The following GLI3 variants were observed in gnomAD, a reference collection of about 807,000 sequenced individuals.
The protein encoded by GLI3 is GLI family zinc finger 3.
Under a neutral mutation model 100.8 loss-of-function variants are expected in GLI3, and 20 were observed. The observed-to-expected ratio is 0.20, with a 90% confidence interval of 0.14 to 0.29. GLI3 has a LOEUF of 0.29. Ranked by LOEUF, GLI3 falls within the 10% of genes least tolerant of loss-of-function variation. The probability of loss-of-function intolerance (pLI) is 1.00; values close to 1 mark genes in which losing one functional copy is unlikely to be tolerated. For synonymous variants in GLI3, 938 were observed against 860.5 expected (o/e 1.09, Z -1.58); for missense variants, 2,040 against 2,128.5 (o/e 0.96, Z 0.82).
intron 2 of GLI3, among the ~76,000 whole-genome samples, chr7:42,183,686 A>G (rs147931106): frequency 7.8e-4 from 119 of 152,308 alleles, no homozygotes; most frequent in African/African-American, 2.8e-3. Flanking sequence ...TATTATATCT[A>G]TATTTATGTT....
intron 2 of GLI3, among the ~76,000 whole-genome samples, chr7:42,174,014 G>T (rs1376268189): frequency 1.3e-5 from 2 of 152,074 alleles, no homozygotes. Flanking sequence ...AGGCCAAAAG[G>T]CAAATGGAAA....
intron 2 of GLI3, among the ~76,000 whole-genome samples, chr7:42,174,092 C>A (rs929321870): frequency 6.6e-6 from 1 of 151,884 alleles, no homozygotes; most frequent in African/African-American, 2.4e-5. Context: ...TTCAAGTATT[C>A]CATAGGATAA....
Position 41,962,289 on chromosome 7 carries a change from G to C in GLI3, c.*2041C>G, listed in dbSNP as rs1011218413. 1 of 152,218 alleles carries C rather than the reference G, an allele frequency of 6.6e-6. No individual in the cohort carries two copies. The highest frequency in any genetic ancestry group is 1.5e-5 in the Non-Finnish European group (1 of 68,050). The allele number at this position is 152,218 out of a possible 1,614,324, so 9.4% of individuals were successfully genotyped here. A position where few individuals can be genotyped will look rare whatever the true frequency, so the allele number is the denominator to read the frequency against. On this transcript the variant is annotated 3_prime_UTR_variant, in exon 15 of 15. Coordinates refer to ENST00000395925, the MANE Select transcript of GLI3 (RefSeq NM_000168.6). ...GGAAAGGGATTGAACCAAACCATTA[G>C]AGCACACAAGATAAGACTGGAGATT...
chr7:42,085,205 G>A (rs542293460), intron 3 of GLI3, among the ~76,000 whole-genome samples: 3 of 152,152 alleles, frequency 2.0e-5, no homozygotes, highest in South Asian at 2.1e-4. Flanking sequence ...ATCTAACTAC[G>A]GAGACCCTGG....
intron 4 of GLI3, among the ~76,000 whole-genome samples, chr7:42,060,712 T>C (rs929938413): frequency 6.6e-6 from 1 of 151,838 alleles, no homozygotes; most frequent in Non-Finnish European, 1.5e-5. Flanking sequence ...CAAGGCAAAA[T>C]AGAAAAATAT....
intron 3 of GLI3, among the ~76,000 whole-genome samples, chr7:42,115,832 G>T (rs1416723370): frequency 6.6e-6 from 1 of 152,132 alleles, no homozygotes. Context: ...TTGGCATAGA[G>T]ATTTTTATTT....
At chr7:42,031,330 T>G (rs141764796) in intron 7 of GLI3, among the ~76,000 whole-genome samples, 1 of 152,216 alleles carries the variant, frequency 6.6e-6, no homozygotes, top group Non-Finnish European at 1.5e-5. Context: ...TTAATCTATA[T>G]TTAGTCAATA....
intron 4 of GLI3, among the ~76,000 whole-genome samples, chr7:42,074,290 A>G (rs578151649): frequency 2.6e-5 from 4 of 152,342 alleles, no homozygotes; most frequent in African/African-American, 9.6e-5. Flanking sequence ...CAGAGTGCAC[A>G]GCACAAGTGA....
chr7:42,044,011 G>A (rs1472108206), intron 6 of GLI3, among the ~76,000 whole-genome samples: 3 of 152,088 alleles, frequency 2.0e-5, no homozygotes, highest in African/African-American at 7.2e-5. Flanking sequence ...ATGTAGTAAT[G>A]AGCTTCCCAG....
chr7:42,015,454 TA>T (rs1788731728), intron 10 of GLI3, among the ~76,000 whole-genome samples: 1 of 152,084 alleles, frequency 6.6e-6, no homozygotes, highest in Non-Finnish European at 1.5e-5. Flanking sequence ...CAGAGAAGCC[TA>T]AATATCCCCA....
chr7:42,214,821 C>T (rs1017763236), intron 2 of GLI3, among the ~76,000 whole-genome samples: 3 of 129,350 alleles, frequency 2.3e-5, no homozygotes, highest in Non-Finnish European at 4.8e-5. Flanking sequence ...AAACATAAAA[C>T]GGAATTTTAA....
chr7:42,027,720 A>C (rs998492458), intron 7 of GLI3, among the ~76,000 whole-genome samples: 1 of 152,216 alleles, frequency 6.6e-6, no homozygotes. Context: ...TTTAAGACTG[A>C]ATATCATTAA....
chr7:42,240,893 C>T (rs1788917654), upstream of GLI3, among the ~76,000 whole-genome samples: 1 of 152,164 alleles, frequency 6.6e-6, no homozygotes, highest in Non-Finnish European at 1.5e-5. Flanking sequence ...TGATTCCTAC[C>T]ATGGGCCGAT....
intron 2 of GLI3, among the ~76,000 whole-genome samples, chr7:42,216,392 G>A (rs1274026435): frequency 7.2e-4 from 109 of 152,196 alleles, no homozygotes; most frequent in Admixed American, 7.1e-3. Context: ...AGCATTCAAA[G>A]TATTCTGTAG....
intron 2 of GLI3, among the ~76,000 whole-genome samples, chr7:42,197,630 T>C (rs886182486): frequency 2.0e-5 from 3 of 152,158 alleles, no homozygotes; most frequent in African/African-American, 7.2e-5. Flanking sequence ...CAGAGAAGGA[T>C]GGGGGCCTTT....
intron 3 of GLI3, among the ~76,000 whole-genome samples, chr7:42,138,619 G>C (rs922535514): frequency 6.6e-6 from 1 of 152,194 alleles, no homozygotes; most frequent in African/African-American, 2.4e-5. Context: ...CAGGGGTAGG[G>C]GAAGGGAAAG....
At chr7:42,176,116 G>A (rs149183057) in intron 2 of GLI3, among the ~76,000 whole-genome samples, 8 of 152,244 alleles carry the variant, frequency 5.3e-5, no homozygotes, top group East Asian at 1.9e-4. Flanking sequence ...CATGGTGACC[G>A]AAACAGGGAC....
intron 3 of GLI3, among the ~76,000 whole-genome samples, chr7:42,102,596 C>A (rs1188140191): frequency 6.6e-6 from 1 of 152,232 alleles, no homozygotes; most frequent in African/African-American, 2.4e-5. Flanking sequence ...GCTGTACAGG[C>A]TGGGTGTGCA....
chr7:42,132,254 C>CCA (rs1786302025), intron 3 of GLI3, among the ~76,000 whole-genome samples: 1 of 151,384 alleles, frequency 6.6e-6, no homozygotes, highest in Non-Finnish European at 1.5e-5. Context: ...GCGCCCGCCA[C>CCA]TACGCCCGGC....
Sources: gnomAD v4.1 joint callset for allele counts (sites outside exome capture counted in the v4.1 genomes callset) on GRCh38, gnomAD v4.1.1 for gene constraint, MANE v1.5 for transcripts, NCBI Gene and HGNC (gene_info 2026-07-23, HGNC 2026-07-21) for gene names.